Variants in DAPK2 observed in about 807,000 individuals in gnomAD.
DAPK2 encodes death associated protein kinase 2.
DAPK2 carries 35 observed loss-of-function variants against 44.1 expected under a neutral mutation model. The ratio of observed to expected loss-of-function variants is 0.79; its 90% CI spans 0.61 to 1.05. The LOEUF (loss-of-function observed/expected upper bound fraction) is 1.05, where lower values mean the gene tolerates loss of function less well. Ranked by LOEUF, DAPK2 falls within the 50% of genes least tolerant of loss-of-function variation. The probability of loss-of-function intolerance (pLI) is 0.00; values close to 1 mark genes in which losing one functional copy is unlikely to be tolerated. For synonymous variants in DAPK2, 174 were observed against 182.6 expected (o/e 0.95, Z 0.38); for missense variants, 453 against 483.2 (o/e 0.94, Z 0.59).
rs1037103103 is a variant in DAPK2, at chr15:63,916,778, G to C, written c.859-4581C>G. 2 of 152,226 alleles carry C rather than the reference G, an allele frequency of 1.3e-5. No individual in the cohort carries two copies. Among genetic ancestry groups the C allele is most frequent in the Admixed American group, 6.5e-5 (1 of 15,280 alleles). 9.4% of individuals were successfully genotyped at this position (152,226 alleles called of 1,614,324 possible). On this transcript the variant is annotated intron_variant, in intron 8 of 10. Transcript: ENST00000261891. This position sits in a 1 kb window ranked among gnomAD's most constrained non-coding sequence, Gnocchi z 4.7. ...CTGAGTTAGGTCTTGACATGGATAC[G>C]CTCTGTTTTTTATTCTTCTATGGGA... is the stretch of plus-strand genomic sequence containing the variant.
chr15:64,030,244 C>T (rs559998175), intron 1 of DAPK2, among the ~76,000 whole-genome samples: 13 of 152,024 alleles, frequency 8.6e-5, no homozygotes, highest in Non-Finnish European at 1.5e-4. Flanking sequence ...GTCGAGATGA[C>T]GCCACTGCAC....
rs3056828 is a variant in DAPK2 at position 64,000,186 on chromosome 15, TACACACAC to T, written c.93-16440_93-16433del. On this transcript the variant is annotated intron_variant, in intron 1 of 10. Transcript: ENST00000261891. ...GCCTGACTACTACTACTACTACTAC[TACACACAC>T]ACACACACACACACACACACACACA... is the stretch of plus-strand genomic sequence containing the variant. Among the ~76,000 whole-genome samples, 123 of 147,762 alleles carry T rather than the reference TACACACAC, an allele frequency of 8.3e-4. 1 individual carries two copies. Among genetic ancestry groups the T allele is most frequent in the Middle Eastern group, 3.4e-3 (1 of 292 alleles).
In DAPK2 at chr15:64,010,961, G is replaced by A. The variant is rs577586804; in HGVS notation, c.93-27207C>T. ...CAGGGCACCAGCAACCCCATGTGGA[G>A]GTGGCTGACTCATTCTGTGGTCTCC... On this transcript the variant is annotated intron_variant, in intron 1 of 10. Transcript: ENST00000261891. Among the ~76,000 whole-genome samples, 18 of 152,310 alleles carry A rather than the reference G, an allele frequency of 1.2e-4. No individual in the cohort carries two copies. In the South Asian group the frequency reaches 3.1e-3, roughly 26 times the overall value.
chr15:63,991,692 T>C (rs927229585), intron 1 of DAPK2, among the ~76,000 whole-genome samples: 1 of 152,172 alleles, frequency 6.6e-6, no homozygotes, highest in Non-Finnish European at 1.5e-5. Context: ...CATGGAAGCA[T>C]AGCATGCTCT....
intron 8 of DAPK2, chr15:63,922,229 T>C (rs2079094795): frequency 1.0e-6 from 1 of 963,632 alleles, no homozygotes; most frequent in Non-Finnish European, 1.2e-6. Flanking sequence ...CATGAGTGCT[T>C]GGTAAGTGAA....
At chr15:64,019,295 C>G (rs974948769) in intron 1 of DAPK2, among the ~76,000 whole-genome samples, 1 of 152,216 alleles carries the variant, frequency 6.6e-6, no homozygotes, top group Non-Finnish European at 1.5e-5. Context: ...ATTCTGAAAT[C>G]TTATATGATT....
At chr15:63,947,907 C>T (rs557409072) in intron 3 of DAPK2, among the ~76,000 whole-genome samples, 82 of 152,174 alleles carry the variant, frequency 5.4e-4, no homozygotes, top group Non-Finnish European at 9.7e-4. Context: ...TAGCACCAAC[C>T]ACCACCAAGA....
At chr15:64,014,898 A>G (rs1479436269) in intron 1 of DAPK2, among the ~76,000 whole-genome samples, 1 of 150,036 alleles carries the variant, frequency 6.7e-6, no homozygotes, top group Non-Finnish European at 1.5e-5. Context: ...ACTTCACTCT[A>G]GCCTGGGTGA....
intron 2 of DAPK2, among the ~76,000 whole-genome samples, chr15:63,982,637 T>C (rs2078554203): frequency 1.3e-5 from 2 of 152,168 alleles, no homozygotes; most frequent in African/African-American, 4.8e-5. Context: ...ATTGAGGTCA[T>C]CTATCCAAAT....
chr15:64,008,916 A>G (rs904960701), intron 1 of DAPK2, among the ~76,000 whole-genome samples: 2 of 152,202 alleles, frequency 1.3e-5, no homozygotes, highest in Non-Finnish European at 1.5e-5. Context: ...AGGGCCTTAC[A>G]GATGACAGGG....
intron 1 of DAPK2, among the ~76,000 whole-genome samples, chr15:64,031,662 G>A (rs1348674548): frequency 6.6e-6 from 1 of 152,192 alleles, no homozygotes; most frequent in Non-Finnish European, 1.5e-5. Context: ...TTTGCCCAGA[G>A]GAAGTTTCTG....
intron 1 of DAPK2, among the ~76,000 whole-genome samples, chr15:64,000,194 C>T (rs1026043870): frequency 9.4e-5 from 14 of 149,272 alleles, no homozygotes; most frequent in Middle Eastern, 3.4e-3. Flanking sequence ...ACTACACACA[C>T]ACACACACAC....
chr15:64,000,475 G>A (rs772566873), intron 1 of DAPK2, among the ~76,000 whole-genome samples: 1 of 152,204 alleles, frequency 6.6e-6, no homozygotes, highest in African/African-American at 2.4e-5. Context: ...CTCTGAATGG[G>A]AGGAGAGAAC....
rs35739549 is a variant in DAPK2 at position 63,935,089 on chromosome 15, C to CTTT, written c.583+4140_583+4142dup. On this transcript the variant is annotated intron_variant, in intron 4 of 10. Transcript: ENST00000261891. ...TTTGTTTTTCTTAAATCTTTGCCTT[C>CTTT]TTTTTTTTTTTTTTTTCCTGATACA... 2.8e-3 allele frequency among the ~76,000 whole-genome samples: 345 copies of CTTT among 124,480 alleles called. 6 individuals carry two copies. The highest frequency in any genetic ancestry group is 8.6e-3 in the Middle Eastern group (2 of 232). 81.7% of individuals were successfully genotyped at this position (124,480 alleles called of 152,430 possible). A position where few individuals can be genotyped will look rare whatever the true frequency, so the allele number is the denominator to read the frequency against.
In DAPK2 at chr15:63,990,426, T is replaced by TAGAAAATAAAA. The variant is rs112885662; in HGVS notation, c.93-6673_93-6672insTTTTATTTTCT. Among the ~76,000 whole-genome samples the TAGAAAATAAAA allele has an allele frequency of 6.7e-6, 1 of 150,172 alleles. No individual in the cohort carries two copies. The highest frequency in any genetic ancestry group is 1.5e-5 in the Non-Finnish European group (1 of 67,654). ...CTGGGTGACAGAGCAAGACTCCATC[T>TAGAAAATAAAA]AGAAAAAGAAAAAGAAAGGTCCATG... On this transcript the variant is annotated intron_variant, in intron 1 of 10. Coordinates refer to ENST00000261891, the Ensembl canonical transcript of DAPK2. The surrounding 1 kb of genome is among the most constrained non-coding windows in gnomAD (Gnocchi z 4.3).
intron 10 of DAPK2, chr15:63,911,328 C>T (rs1221959203): frequency 1.3e-5 from 2 of 154,166 alleles, no homozygotes; most frequent in African/African-American, 2.4e-5. Flanking sequence ...GAACTATCAG[C>T]ACAGAGAGGT....
chr15:64,022,671 T>G (rs566235364), intron 1 of DAPK2, among the ~76,000 whole-genome samples: 3 of 152,012 alleles, frequency 2.0e-5, no homozygotes, highest in Admixed American at 1.3e-4. Flanking sequence ...AACAAAAAAT[T>G]AGCTGGGTGT....
rs899330339 is a variant in DAPK2 at position 63,925,818 on chromosome 15, G to A, written c.812+123C>T. Reference sequence around the variant, plus strand: ...AGGCCACACTTTCCAGCACCTGCCCGGATTAGACCACAACAGTGCAGATGA... The same window carrying A: ...AGGCCACACTTTCCAGCACCTGCCCAGATTAGACCACAACAGTGCAGATGA... On this transcript the variant is annotated intron_variant, in intron 7 of 10. Transcript: ENST00000261891. 1.3e-5 allele frequency: 17 copies of A among 1,270,062 alleles called. 1 individual carries two copies. Among genetic ancestry groups the A allele is most frequent in the African/African-American group, 4.5e-5 (3 of 66,862 alleles). 78.7% of individuals were successfully genotyped at this position (1,270,062 alleles called of 1,614,324 possible).
At chr15:63,984,329 C>T (rs147512374) in intron 1 of DAPK2, among the ~76,000 whole-genome samples, 2 of 152,332 alleles carry the variant, frequency 1.3e-5, no homozygotes, top group African/African-American at 4.8e-5. Context: ...GTCAGATACC[C>T]AACCGGCTGT....
Sources: gnomAD v4.1 joint callset for allele counts (sites outside exome capture counted in the v4.1 genomes callset) on GRCh38, gnomAD v4.1.1 for gene constraint, Gnocchi (gnomAD v3.1) non-coding constraint, MANE v1.5 for transcripts, NCBI Gene and HGNC (gene_info 2026-07-23, HGNC 2026-07-21) for gene names.